The following LIMA1 variants were observed in gnomAD, a reference collection of about 807,000 sequenced individuals.
LIMA1 encodes LIM domain and actin binding 1, also known as LIM domain and actin-binding protein 1.
Under a neutral mutation model 62.6 loss-of-function variants are expected in LIMA1, and 52 were observed. The observed-to-expected ratio is 0.83, with a 90% confidence interval of 0.67 to 1.05. The LOEUF (loss-of-function observed/expected upper bound fraction) is 1.05. Ranked by LOEUF, LIMA1 falls within the 50% of genes least tolerant of loss-of-function variation. The pLI is 0.00. For missense variants in LIMA1, 780 were observed against 902.2 expected (o/e 0.86, Z 1.74); for synonymous variants, 302 against 317.8 (o/e 0.95, Z 0.53).
At position 50,228,883 on chromosome 12, in the gene LIMA1, T is replaced by C. The variant is rs187638102; in HGVS notation, c.165+2782A>G. On this transcript the variant is annotated intron_variant, in intron 3 of 10. Transcript: ENST00000341247. Reference sequence around the variant, plus strand: ...TGGGCCAAAAACATTGTTGCTATTCTTTTATTTTTTACTTTTTGTAATAGA... The same window carrying C: ...TGGGCCAAAAACATTGTTGCTATTCCTTTATTTTTTACTTTTTGTAATAGA... Among the ~76,000 whole-genome samples the C allele has an allele frequency of 1.4e-4, 22 of 152,360 alleles. No homozygotes were observed. In the East Asian group the frequency reaches 4.2e-3, roughly 29 times the overall value.
intron 8 of LIMA1, among the ~76,000 whole-genome samples, chr12:50,193,995 A>ATTT (rs1231086329): frequency 2.2e-5 from 3 of 135,730 alleles, no homozygotes; most frequent in Admixed American, 7.4e-5. Flanking sequence ...ATATATATAT[A>ATTT]TATTTTTTTT....
chr12:50,179,133 G>A (rs868441156), intron 10 of LIMA1, among the ~76,000 whole-genome samples: 4 of 149,542 alleles, frequency 2.7e-5, no homozygotes, highest in African/African-American at 7.4e-5. Context: ...GCGCCACCAC[G>A]CCTGGCTAAT....
At chr12:50,280,409 C>T (rs1942326961) in intron 1 of LIMA1, among the ~76,000 whole-genome samples, 2 of 152,084 alleles carry the variant, frequency 1.3e-5, no homozygotes, top group African/African-American at 4.8e-5. Flanking sequence ...CCTCCCGCCT[C>T]GGCCTCCCAA....
chr12:50,273,401 A>G (rs901042695), intron 1 of LIMA1, among the ~76,000 whole-genome samples: 22 of 152,202 alleles, frequency 1.4e-4, no homozygotes, highest in African/African-American at 5.3e-4. Flanking sequence ...AAAGATCATC[A>G]CTGTCTTTGG....
intron 1 of LIMA1, among the ~76,000 whole-genome samples, chr12:50,256,687 G>A (rs943523807): frequency 5.9e-5 from 9 of 152,066 alleles, no homozygotes; most frequent in African/African-American, 1.7e-4. Flanking sequence ...TCCTCAATTT[G>A]GGTTTCTTGG....
At chr12:50,182,862 G>GA (rs1288935284) in intron 9 of LIMA1, among the ~76,000 whole-genome samples, 7 of 152,128 alleles carry the variant, frequency 4.6e-5, no homozygotes, top group Non-Finnish European at 8.8e-5. Flanking sequence ...TTCTAGCACT[G>GA]ATAAAAGCCA....
rs933101260 is a variant in LIMA1, at chr12:50,266,898, CT to C, written c.-24+16521del. On this transcript the variant is annotated intron_variant, in intron 1 of 10. Transcript: ENST00000341247. ...ATGTGTTGGCCACTCAATACATTTA[CT>C]TTTTTTTTATTCTGAGACAGAGTCT... is the stretch of plus-strand genomic sequence containing the variant. 8.6e-5 allele frequency among the ~76,000 whole-genome samples: 13 copies of C among 151,092 alleles called. No individual in the cohort carries two copies. The East Asian group carries it at 1.4e-3, about 16-fold the overall frequency.
chr12:50,183,212 GAA>G (rs779003867), intron 9 of LIMA1, among the ~76,000 whole-genome samples: 3 of 151,972 alleles, frequency 2.0e-5, no homozygotes, highest in Admixed American at 6.6e-5. Flanking sequence ...AAAAAATAAA[GAA>G]AAGAAATAGT....
chr12:50,202,786 G>A (rs1941077420), intron 6 of LIMA1, among the ~76,000 whole-genome samples: 1 of 152,108 alleles, frequency 6.6e-6, no homozygotes, highest in African/African-American at 2.4e-5. Flanking sequence ...TACTCATTAT[G>A]GTTTCCAATA....
chr12:50,252,781 G>C (rs1223232886), intron 1 of LIMA1, among the ~76,000 whole-genome samples: 1 of 152,076 alleles, frequency 6.6e-6, no homozygotes, highest in African/African-American at 2.4e-5. Context: ...ATCCACACCT[G>C]TAAGATAAGA....
rs1044513388 is a variant in LIMA1 at position 50,176,667 on chromosome 12, A to G, written c.*397T>C. 6.2e-6 allele frequency: 1 copy of G among 161,720 alleles called. No individual in the cohort carries two copies. Among genetic ancestry groups the G allele is most frequent in the Non-Finnish European group, 1.3e-5 (1 of 74,438 alleles). 10.0% of individuals were successfully genotyped at this position (161,720 alleles called of 1,614,324 possible). Reference sequence around the variant, plus strand: ...AAAGTGCATTCAGTCGTAATGTTTAAGCCCCTAAATTCCTTCTGTATGTTC... The same window carrying G: ...AAAGTGCATTCAGTCGTAATGTTTAGGCCCCTAAATTCCTTCTGTATGTTC... On this transcript the variant is annotated 3_prime_UTR_variant, in exon 11 of 11. Coordinates refer to ENST00000341247, the MANE Select transcript of LIMA1 (RefSeq NM_016357.5).
chr12:50,201,406 G>A (rs567156496), intron 6 of LIMA1: 2 of 982,634 alleles, frequency 2.0e-6, no homozygotes, highest in Non-Finnish European at 2.4e-6. Flanking sequence ...CTTTTTGGTG[G>A]GACTTTCAAA....
chr12:50,259,744 G>C (rs1233440550), intron 1 of LIMA1, among the ~76,000 whole-genome samples: 1 of 152,172 alleles, frequency 6.6e-6, no homozygotes, highest in Non-Finnish European at 1.5e-5. Context: ...TCAGGTATGT[G>C]TAGAAACATG....
At chr12:50,180,719 G>C (rs1020506444) in intron 10 of LIMA1, among the ~76,000 whole-genome samples, 1 of 152,096 alleles carries the variant, frequency 6.6e-6, no homozygotes, top group Non-Finnish European at 1.5e-5. Flanking sequence ...AGGATGATAA[G>C]TTTTATCTTT....
intron 1 of LIMA1, among the ~76,000 whole-genome samples, chr12:50,260,396 G>A (rs1942051154): frequency 1.3e-5 from 2 of 152,116 alleles, no homozygotes; most frequent in South Asian, 4.1e-4. Flanking sequence ...TGAGCCACCC[G>A]CCTCGGCCTC....
At chr12:50,226,820 A>C (rs1011763297) in intron 3 of LIMA1, among the ~76,000 whole-genome samples, 17 of 151,456 alleles carry the variant, frequency 1.1e-4, no homozygotes, top group African/African-American at 3.9e-4. Flanking sequence ...GCCTGGCGAA[A>C]GAGCAAGATT....
intron 1 of LIMA1, among the ~76,000 whole-genome samples, chr12:50,267,972 G>A (rs35246492): frequency 0.056 from 8,505 of 152,004 alleles, 294 homozygotes; most frequent in Middle Eastern, 0.14. Context: ...TTTTTTTAAC[G>A]ACATTTATAA....
intron 1 of LIMA1, among the ~76,000 whole-genome samples, chr12:50,254,027 CAAA>C (rs376086760): frequency 4.3e-5 from 4 of 93,802 alleles, no homozygotes; most frequent in Non-Finnish European, 4.2e-5. Context: ...GACTCTGTCT[CAAA>C]AAAAAAAAAA....
intron 4 of LIMA1, chr12:50,217,900 C>CTT: frequency 6.6e-6 from 1 of 151,348 alleles, no homozygotes; most frequent in East Asian, 2.1e-4. Flanking sequence ...TGATGAATTT[C>CTT]TTTTCTTTTT....
Sources: allele counts gnomAD v4.1 joint callset (sites outside exome capture counted in the v4.1 genomes callset), GRCh38; gene constraint gnomAD v4.1.1; transcripts MANE v1.5; gene names NCBI Gene and HGNC (gene_info 2026-07-23, HGNC 2026-07-21).